Variants in JAKMIP3 observed in about 807,000 individuals in gnomAD.
The protein encoded by JAKMIP3 is Janus kinase and microtubule interacting protein 3.
Under a neutral mutation model 118.5 loss-of-function variants are expected in JAKMIP3, and 58 were observed. That is an observed-to-expected ratio of 0.49 (90% CI 0.40 to 0.61). The LOEUF (loss-of-function observed/expected upper bound fraction) is 0.61, where lower values mean the gene tolerates loss of function less well. Ranked by LOEUF, JAKMIP3 falls within the 20% of genes least tolerant of loss-of-function variation. The probability of loss-of-function intolerance (pLI) is 0.00; values close to 1 mark genes in which losing one functional copy is unlikely to be tolerated. For missense variants in JAKMIP3, 950 were observed against 1,109.0 expected (o/e 0.86, Z 2.04); for synonymous variants, 486 against 451.2 (o/e 1.08, Z -0.98).
chr10:132,134,254 C>A (rs2051273367), intron 4 of JAKMIP3, among the ~76,000 whole-genome samples: 1 of 152,172 alleles, frequency 6.6e-6, no homozygotes, highest in Non-Finnish European at 1.5e-5. Flanking sequence ...TCGAGTCGGG[C>A]CCAGGACCAT....
At chr10:132,146,910 A>G (rs1237451421) in intron 13 of JAKMIP3, among the ~76,000 whole-genome samples, 3 of 152,248 alleles carry the variant, frequency 2.0e-5, no homozygotes, top group African/African-American at 7.2e-5. Flanking sequence ...ACGTGCACTT[A>G]AGGGCACCCA....
chr10:132,130,714 G>A (rs979933011), intron 3 of JAKMIP3, among the ~76,000 whole-genome samples: 4 of 152,348 alleles, frequency 2.6e-5, no homozygotes, highest in African/African-American at 9.6e-5. Context: ...GACCATGCTG[G>A]GGGTGATGAC....
intron 1 of JAKMIP3, among the ~76,000 whole-genome samples, chr10:132,054,381 T>C (rs965913161): frequency 1.3e-5 from 2 of 152,114 alleles, no homozygotes; most frequent in African/African-American, 4.8e-5. Context: ...AGAAGCTTCC[T>C]CTGTGAAGAA....
At chr10:132,100,187 A>G (rs7899081) in intron 1 of JAKMIP3, among the ~76,000 whole-genome samples, 92,274 of 150,828 alleles carry the variant, frequency 0.61, 28,493 homozygotes, top group East Asian at 0.7. Flanking sequence ...CCCCCCGCAC[A>G]GACCCCCACA....
Position 132,119,223 on chromosome 10 carries a change from C to T in JAKMIP3, c.633+1649C>T, listed in dbSNP as rs576051480. Among the ~76,000 whole-genome samples the T allele has an allele frequency of 1.4e-4, 22 of 152,172 alleles. No individual in the cohort carries two copies. In the South Asian group the frequency reaches 4.6e-3, roughly 32 times the overall value. Reference sequence around the variant, plus strand: ...TTTTTGCAGCTACGGGCAAGCTGGTCCTAAAACTTACACCGAAGTGCAGGT... The same window carrying T: ...TTTTTGCAGCTACGGGCAAGCTGGTTCTAAAACTTACACCGAAGTGCAGGT... On this transcript the variant is annotated intron_variant, in intron 3 of 23. Coordinates refer to ENST00000684848, the MANE Select transcript of JAKMIP3 (RefSeq NM_001323087.2).
rs568909396 is a variant in JAKMIP3 at position 132,168,088 on chromosome 10, G to T, written c.*158G>T. 678 of 1,289,466 alleles carry T rather than the reference G, an allele frequency of 5.3e-4. 6 individuals carry two copies. In the African/African-American group the frequency reaches 9.3e-3, roughly 18 times the overall value. 79.9% of individuals were successfully genotyped at this position (1,289,466 alleles called of 1,614,324 possible). On this transcript the variant is annotated 3_prime_UTR_variant, in exon 23 of 24. Transcript: ENST00000684848. ...GTCCCGTGGAGGAAGAGTGAGAAGG[G>T]GCAGTGTGTGGGGCGTGGAGCTGCC...
rs372888170 is a variant in JAKMIP3, at chr10:132,137,265, C to G, written c.1260C>G (p.Thr420=). 1.9e-6 allele frequency: 3 copies of G among 1,613,860 alleles called. No homozygotes were observed. The highest frequency in any genetic ancestry group is 2.5e-6 in the Non-Finnish European group (3 of 1,179,878). ...TCTTCCTTTCCTAGACCCTTGAGAC[C>G]GCCGGCTACGTGAAGAGCGTGTTAG... ...LIDELSKTLE[T]AGYVKSVLER... The change falls in exon 8 of 24, where the codon ACC becomes ACG. Residue 420 remains threonine (T), a synonymous_variant. Transcript: ENST00000684848.
At chr10:132,156,244 G>A (rs2057079447) in intron 19 of JAKMIP3, among the ~76,000 whole-genome samples, 1 of 152,120 alleles carries the variant, frequency 6.6e-6, no homozygotes, top group Admixed American at 6.5e-5. Flanking sequence ...GAAGCTTCTT[G>A]GCCTCTGCTC....
Position 132,168,102 on chromosome 10 carries a change from C to A in JAKMIP3, c.*172C>A. On this transcript the variant is annotated 3_prime_UTR_variant, in exon 23 of 24. Transcript: ENST00000684848. ...GAGTGAGAAGGGGCAGTGTGTGGGGCGTGGAGCTGCCGTCCACGTGGGATG... is the reference window on the plus strand; with the variant it reads ...GAGTGAGAAGGGGCAGTGTGTGGGGAGTGGAGCTGCCGTCCACGTGGGATG... 7.8e-7 allele frequency: 1 copy of A among 1,288,928 alleles called. No homozygotes were observed. The highest frequency in any genetic ancestry group is 1.0e-6 in the Non-Finnish European group (1 of 988,452). The allele number at this position is 1,288,928 out of a possible 1,614,324, so 79.8% of individuals were successfully genotyped here.
At chr10:132,152,277 AATGGCATGGAC>A (rs1288210191) in intron 16 of JAKMIP3, among the ~76,000 whole-genome samples, 3 of 152,180 alleles carry the variant, frequency 2.0e-5, no homozygotes, top group African/African-American at 7.2e-5. Context: ...CTAGGGAGAG[AATGGCATGGAC>A]AGGGCTTTTG....
chr10:132,125,530 T>C (rs983715419), intron 3 of JAKMIP3, among the ~76,000 whole-genome samples: 10 of 152,244 alleles, frequency 6.6e-5, no homozygotes, highest in African/African-American at 1.9e-4. Context: ...CTTTCCCTTC[T>C]TCAAGATTGT....
At chr10:132,152,371 G>T (rs1267417295) in intron 16 of JAKMIP3, among the ~76,000 whole-genome samples, 1 of 152,238 alleles carries the variant, frequency 6.6e-6, no homozygotes, top group Non-Finnish European at 1.5e-5. Context: ...GCAGGCTGCA[G>T]CAGAGTCTGA....
At position 132,140,461 on chromosome 10, in the gene JAKMIP3, TGGA is replaced by T. The variant is rs1263823503; in HGVS notation, c.1357_1359del (p.Glu453del). ...CATTTTGGTCACAAGCCGGTGGTTG[TGGA>T]GACCTTCTTTGGATACGACGAAGAG... On this transcript the variant is annotated inframe_deletion, in exon 10 of 24. Coordinates refer to ENST00000684848, the MANE Select transcript of JAKMIP3 (RefSeq NM_001323087.2). 1 of 1,613,798 alleles carries T rather than the reference TGGA, an allele frequency of 6.2e-7. No individual in the cohort carries two copies. The highest frequency in any genetic ancestry group is 1.1e-5 in the South Asian group (1 of 91,080).
intron 23 of JAKMIP3, among the ~76,000 whole-genome samples, 184 bp downstream of exon 23, chr10:132,169,217 C>G (rs930361950): frequency 1.3e-5 from 2 of 152,168 alleles, no homozygotes; most frequent in Non-Finnish European, 2.9e-5. Flanking sequence ...TGGTGTGGAG[C>G]GTGGCGTGAG....
chr10:132,167,870 G>GCCCCTCT (rs1421431163), intron 22 of JAKMIP3, 83 bp from the exon 23 acceptor site: 2 of 1,040,284 alleles, frequency 1.9e-6, no homozygotes, highest in Non-Finnish European at 2.6e-6. Flanking sequence ...CTCGGCCCTC[G>GCCCCTCT]CCCCTCGCCC....
At chr10:132,083,548 T>A (rs7906464) in intron 1 of JAKMIP3, among the ~76,000 whole-genome samples, 40,888 of 152,142 alleles carry the variant, frequency 0.27, 5,632 homozygotes, top group Middle Eastern at 0.41. Context: ...AAGTCACAGC[T>A]ATTTATCTTT....
At chr10:132,070,351 T>C (rs2039641388) in intron 1 of JAKMIP3, among the ~76,000 whole-genome samples, 1 of 152,178 alleles carries the variant, frequency 6.6e-6, no homozygotes, top group South Asian at 2.1e-4. Context: ...TTTCGCCATG[T>C]TGGTCAGGCT....
chr10:132,146,573 C>T (rs1190067442), intron 13 of JAKMIP3, among the ~76,000 whole-genome samples: 1 of 152,182 alleles, frequency 6.6e-6, no homozygotes, highest in Admixed American at 6.5e-5. Context: ...GACAGGTGTC[C>T]TGAGGAGGCA....
At chr10:132,133,775 C>A (rs565983815) in intron 4 of JAKMIP3, among the ~76,000 whole-genome samples, 8 of 152,380 alleles carry the variant, frequency 5.3e-5, no homozygotes, top group Admixed American at 4.6e-4. Flanking sequence ...CCCTGTCACC[C>A]TCCCGTGGGC....
Sources: allele counts gnomAD v4.1 joint callset (sites outside exome capture counted in the v4.1 genomes callset), GRCh38; gene constraint gnomAD v4.1.1; transcripts MANE v1.5; gene names NCBI Gene and HGNC (gene_info 2026-07-23, HGNC 2026-07-21).